The following DPYD variants were observed in gnomAD, a reference collection of about 807,000 sequenced individuals.
DPYD encodes the protein dihydropyrimidine dehydrogenase, also known as dihydropyrimidine dehydrogenase [NADP(+)].
Under a neutral mutation model 116.2 loss-of-function variants are expected in DPYD, and 109 were observed. The ratio of observed to expected loss-of-function variants is 0.94; its 90% CI spans 0.80 to 1.10. The LOEUF (loss-of-function observed/expected upper bound fraction) is 1.10, where lower values mean the gene tolerates loss of function less well. DPYD is among the 50% of genes least tolerant of loss of function. The probability of loss-of-function intolerance (pLI) is 0.00; values close to 1 mark genes in which losing one functional copy is unlikely to be tolerated. For synonymous variants in DPYD, 440 were observed against 432.0 expected (o/e 1.02, Z -0.23); for missense variants, 1,302 against 1,254.5 (o/e 1.04, Z -0.57).
At chr1:97,245,887 C>T (rs1184127039) in intron 18 of DPYD, among the ~76,000 whole-genome samples, 2 of 152,124 alleles carry the variant, frequency 1.3e-5, no homozygotes, top group Non-Finnish European at 2.9e-5. Context: ...TCCTTTCACT[C>T]TCAGCAACAC....
At chr1:97,818,096 C>G (rs1273953640) in intron 3 of DPYD, among the ~76,000 whole-genome samples, 1 of 151,974 alleles carries the variant, frequency 6.6e-6, no homozygotes, top group Non-Finnish European at 1.5e-5. Context: ...TGGCTCAGAG[C>G]TTCTTACTCA....
At chr1:97,186,486 T>A (rs529393822) in intron 20 of DPYD, among the ~76,000 whole-genome samples, 1 of 152,278 alleles carries the variant, frequency 6.6e-6, no homozygotes, top group African/African-American at 2.4e-5. Flanking sequence ...GTGTACACAT[T>A]AATTAACTTC....
intron 1 of DPYD, 38 bp from the exon 2 acceptor site, chr1:97,883,412 T>C: frequency 7.4e-7 from 1 of 1,355,314 alleles, no homozygotes; most frequent in Non-Finnish European, 1.1e-6. Context: ...TATATGGAAA[T>C]ATGTTGGCAT....
At chr1:97,571,738 C>T (rs1652914935) in intron 11 of DPYD, among the ~76,000 whole-genome samples, 1 of 151,900 alleles carries the variant, frequency 6.6e-6, no homozygotes, top group Admixed American at 6.6e-5. Context: ...CATCTTGCTT[C>T]CAATAAAATG....
chr1:97,193,309 C>A, intron 19 of DPYD, 61 bp from the exon 20 acceptor site: 1 of 1,530,314 alleles, frequency 6.5e-7, no homozygotes, highest in South Asian at 1.2e-5. Flanking sequence ...CAAACAAATT[C>A]ACTTTTCTTT....
intron 4 of DPYD, among the ~76,000 whole-genome samples, chr1:97,739,911 T>C (rs1040794166): frequency 1.3e-5 from 2 of 152,124 alleles, no homozygotes; most frequent in African/African-American, 4.8e-5. Context: ...TTGTGTATTT[T>C]TTTTGCTACA....
chr1:97,859,793 G>A (rs1433420637), intron 2 of DPYD, among the ~76,000 whole-genome samples: 1 of 151,784 alleles, frequency 6.6e-6, no homozygotes, highest in African/African-American at 2.4e-5. Flanking sequence ...AAATACTCAC[G>A]TATTTACTCA....
At chr1:97,257,617 T>G (rs1416248366) in intron 18 of DPYD, among the ~76,000 whole-genome samples, 1 of 151,794 alleles carries the variant, frequency 6.6e-6, no homozygotes, top group Non-Finnish European at 1.5e-5. Context: ...TTCCCAGCTA[T>G]TTTTTCAATT....
intron 12 of DPYD, among the ~76,000 whole-genome samples, chr1:97,548,838 G>A (rs765363801): frequency 2.2e-4 from 34 of 152,134 alleles, no homozygotes; most frequent in Admixed American, 3.9e-4. Context: ...CATAGAATTT[G>A]GAAAACAGAC....
At chr1:97,497,239 A>G (rs1679318351) in intron 13 of DPYD, among the ~76,000 whole-genome samples, 2 of 151,952 alleles carry the variant, frequency 1.3e-5, no homozygotes, top group South Asian at 4.1e-4. Context: ...CTCAAAATTT[A>G]GCTAGGAATA....
chr1:97,383,865 T>C (rs1672140917), intron 14 of DPYD, among the ~76,000 whole-genome samples: 1 of 152,166 alleles, frequency 6.6e-6, no homozygotes, highest in African/African-American at 2.4e-5. Flanking sequence ...CCCAGCACTT[T>C]GGGAGGCCAA....
At chr1:97,337,662 T>G (rs1669372210) in intron 16 of DPYD, among the ~76,000 whole-genome samples, 1 of 151,990 alleles carries the variant, frequency 6.6e-6, no homozygotes, top group Non-Finnish European at 1.5e-5. Context: ...ATTTTTTTTT[T>G]TTTTTTTTGG....
chr1:97,173,431 T>G (rs192345060), intron 20 of DPYD, among the ~76,000 whole-genome samples: 1 of 148,958 alleles, frequency 6.7e-6, no homozygotes, highest in African/African-American at 2.5e-5. Flanking sequence ...TGTGTGTATA[T>G]ACGTACATAT....
intron 4 of DPYD, among the ~76,000 whole-genome samples, chr1:97,733,253 A>G (rs78560841): frequency 0.013 from 2,018 of 152,176 alleles, 21 homozygotes; most frequent in Middle Eastern, 0.024. Flanking sequence ...TCTCAGCTTT[A>G]CTTTATTTAA....
At chr1:97,326,054 C>G (rs1668691924) in intron 16 of DPYD, among the ~76,000 whole-genome samples, 1 of 151,430 alleles carries the variant, frequency 6.6e-6, no homozygotes, top group South Asian at 2.1e-4. Flanking sequence ...GGAGACCAAT[C>G]AGAAAGAGAA....
At chr1:97,580,707 T>A (rs1220002300) in intron 10 of DPYD, among the ~76,000 whole-genome samples, 2 of 152,164 alleles carry the variant, frequency 1.3e-5, no homozygotes, top group Non-Finnish European at 2.9e-5. Context: ...TCCCTCACCC[T>A]TGATATCTAA....
Position 97,898,196 on chromosome 1 carries a change from C to T in DPYD, c.40-14822G>A, listed in dbSNP as rs758810389. ...CCCAGACCCATGTGAGTGCTAGTTC[C>T]GTCGGACTGTTCTTTACGCAGCCAT... On this transcript the variant is annotated intron_variant, in intron 1 of 22. Coordinates refer to ENST00000370192, the MANE Select transcript of DPYD (RefSeq NM_000110.4). 7.2e-4 allele frequency among the ~76,000 whole-genome samples: 106 copies of T among 146,758 alleles called. 1 individual carries two copies. Among genetic ancestry groups the T allele is most frequent in the Non-Finnish European group, 1.4e-3 (93 of 64,920 alleles).
At chr1:97,205,918 T>C (rs778689064) in intron 19 of DPYD, among the ~76,000 whole-genome samples, 6 of 152,132 alleles carry the variant, frequency 3.9e-5, no homozygotes, top group Non-Finnish European at 2.9e-5. Context: ...TGTGGTTCAC[T>C]AGAATTGGGT....
At chr1:97,761,322 AC>A (rs1665563417) in intron 3 of DPYD, among the ~76,000 whole-genome samples, 2 of 152,176 alleles carry the variant, frequency 1.3e-5, no homozygotes, top group African/African-American at 4.8e-5. Context: ...CAATCTGAAA[AC>A]GTCTTTAAAA....
Sources: allele counts gnomAD v4.1 joint callset (sites outside exome capture counted in the v4.1 genomes callset), GRCh38; gene constraint gnomAD v4.1.1; transcripts MANE v1.5; gene names NCBI Gene and HGNC (gene_info 2026-07-23, HGNC 2026-07-21).